Variants in CTDSPL observed in about 807,000 individuals in gnomAD.
The protein encoded by CTDSPL is CTD small phosphatase-like protein.
Under a neutral mutation model 30.5 loss-of-function variants are expected in CTDSPL, and 8 were observed. The observed-to-expected ratio is 0.26, with a 90% CI of 0.15 to 0.47. The LOEUF is 0.47. CTDSPL is among the 20% of genes least tolerant of loss of function. The pLI is 0.99. For missense variants in CTDSPL, 248 were observed against 366.1 expected, an observed-to-expected ratio of 0.68 and a Z score of 2.63; for synonymous variants, 110 against 137.9, an observed-to-expected ratio of 0.80 and a Z score of 1.42.
At chr3:37,902,762 T>G (rs1575289981) in intron 1 of CTDSPL, among the ~76,000 whole-genome samples, 1 of 151,942 alleles carries the variant, frequency 6.6e-6, no homozygotes, top group Non-Finnish European at 1.5e-5. Context: ...AGACAGAGTC[T>G]TACACCAGCC....
chr3:37,959,853 C>T (rs1449122540), intron 3 of CTDSPL, among the ~76,000 whole-genome samples: 1 of 152,242 alleles, frequency 6.6e-6, no homozygotes, highest in Non-Finnish European at 1.5e-5. Flanking sequence ...GAGAGTGCCT[C>T]ATACCCTTAC....
intron 2 of CTDSPL, among the ~76,000 whole-genome samples, chr3:37,949,523 A>G (rs546103307): frequency 2.0e-5 from 3 of 152,354 alleles, no homozygotes; most frequent in African/African-American, 7.2e-5. Context: ...AAATGGATAG[A>G]GTGTCTCTCT....
At chr3:37,946,091 C>G (rs1004648864) in intron 1 of CTDSPL, among the ~76,000 whole-genome samples, 1 of 151,834 alleles carries the variant, frequency 6.6e-6, no homozygotes, top group Non-Finnish European at 1.5e-5. Context: ...TGCCTGCGGC[C>G]TCTTCTCAGT....
At chr3:37,940,549 A>C (rs918840565) in intron 1 of CTDSPL, among the ~76,000 whole-genome samples, 1 of 150,202 alleles carries the variant, frequency 6.7e-6, no homozygotes, top group South Asian at 2.1e-4. Flanking sequence ...ACGAGGTGCA[A>C]AGATGACTAC....
At chr3:37,870,403 T>C (rs2125587994) in intron 1 of CTDSPL, among the ~76,000 whole-genome samples, 1 of 152,258 alleles carries the variant, frequency 6.6e-6, no homozygotes, top group South Asian at 2.1e-4. Context: ...ATCTGTAGTG[T>C]TATGCCCTGT....
chr3:37,918,064 G>A (rs1698670313), intron 1 of CTDSPL, among the ~76,000 whole-genome samples: 1 of 152,146 alleles, frequency 6.6e-6, no homozygotes, highest in South Asian at 2.1e-4. Flanking sequence ...GAGGCAAGGA[G>A]GAAATAGGAA....
intron 1 of CTDSPL, among the ~76,000 whole-genome samples, chr3:37,867,738 C>T (rs952828028): frequency 3.9e-5 from 6 of 152,104 alleles, no homozygotes; most frequent in Non-Finnish European, 7.4e-5. Flanking sequence ...CTAACGCTAA[C>T]GTCTTATATA....
At chr3:37,946,260 G>A (rs775915038) in intron 1 of CTDSPL, among the ~76,000 whole-genome samples, 4 of 152,284 alleles carry the variant, frequency 2.6e-5, no homozygotes, top group Non-Finnish European at 4.4e-5. Context: ...GCAGCTTGTC[G>A]TGAGCCTTGG....
chr3:37,908,204 C>T (rs1231100674), intron 1 of CTDSPL, among the ~76,000 whole-genome samples: 3 of 152,244 alleles, frequency 2.0e-5, no homozygotes, highest in Non-Finnish European at 4.4e-5. Flanking sequence ...CTTTTGGAAA[C>T]TCACCACCTG....
At chr3:37,901,865 T>C (rs1698454195) in intron 1 of CTDSPL, among the ~76,000 whole-genome samples, 1 of 152,168 alleles carries the variant, frequency 6.6e-6, no homozygotes. Context: ...CTTTCTGACA[T>C]AGTGAGAATT....
At chr3:37,863,258 C>T (rs1367117090) in intron 1 of CTDSPL, among the ~76,000 whole-genome samples, 1 of 152,188 alleles carries the variant, frequency 6.6e-6, no homozygotes, top group East Asian at 1.9e-4. Flanking sequence ...GTGTCCCCTC[C>T]CAGAGAGCTG....
chr3:37,953,706 C>A (rs1364459010), intron 2 of CTDSPL, among the ~76,000 whole-genome samples: 1 of 152,126 alleles, frequency 6.6e-6, no homozygotes, highest in Non-Finnish European at 1.5e-5. Flanking sequence ...TGGTCTAATA[C>A]ATGAACTGTA....
chr3:37,918,086 G>C (rs1250205115), intron 1 of CTDSPL, among the ~76,000 whole-genome samples: 1 of 152,146 alleles, frequency 6.6e-6, no homozygotes, highest in Non-Finnish European at 1.5e-5. Context: ...CATACAGAAG[G>C]CTGCCCCAGG....
Position 37,901,732 on chromosome 3 carries a change from C to G in CTDSPL, c.79+39454C>G, listed in dbSNP as rs1166886900. 2.0e-5 allele frequency among the ~76,000 whole-genome samples: 3 copies of G among 152,180 alleles called. No individual in the cohort carries two copies. In the South Asian group the frequency reaches 6.2e-4, roughly 31 times the overall value. On this transcript the variant is annotated intron_variant, in intron 1 of 7. Coordinates refer to ENST00000273179, the MANE Select transcript of CTDSPL (RefSeq NM_001008392.2). ...AGAGTTGAACAGACCTTGGTTAGATCTGCAGCTCTGCCATTTACCAGCAAC... is the reference window on the plus strand; with the variant it reads ...AGAGTTGAACAGACCTTGGTTAGATGTGCAGCTCTGCCATTTACCAGCAAC...
chr3:37,914,873 C>CTTTTT (rs11304152), intron 1 of CTDSPL, among the ~76,000 whole-genome samples: 4,349 of 51,360 alleles, frequency 0.085, 430 homozygotes, highest in Middle Eastern at 0.12. Context: ...TATATATGTT[C>CTTTTT]TTTTTTTTTT....
In CTDSPL at chr3:37,982,930, G is replaced by A. The variant is rs375209790; in HGVS notation, c.*2063G>A. On this transcript the variant is annotated 3_prime_UTR_variant, in exon 8 of 8. Coordinates refer to ENST00000273179, the MANE Select transcript of CTDSPL (RefSeq NM_001008392.2). ...TTAGACCCTCAACCATGCCCCCTTC[G>A]TTGGCATCACAGGGCCTTATTTGGA... The A allele has an allele frequency of 1.2e-4, 24 of 207,638 alleles. No individual in the cohort carries two copies. Among genetic ancestry groups the A allele is most frequent in the African/African-American group, 2.3e-4 (10 of 43,066 alleles). The allele number at this position is 207,638 out of a possible 1,614,324, so 12.9% of individuals were successfully genotyped here.
chr3:37,968,266 A>T (rs1262772331), intron 5 of CTDSPL: 1 of 457,850 alleles, frequency 2.2e-6, no homozygotes, highest in Non-Finnish European at 4.4e-6. Flanking sequence ...GACTCTCGGG[A>T]AAAAGTGTCC....
chr3:37,969,266 C>A (rs552410961), intron 5 of CTDSPL: 69 of 436,258 alleles, frequency 1.6e-4, no homozygotes, highest in African/African-American at 1.3e-3. Flanking sequence ...CTGACCCATT[C>A]TTGCAGGAGC....
chr3:37,870,722 C>T (rs762839712), intron 1 of CTDSPL, among the ~76,000 whole-genome samples: 16 of 152,164 alleles, frequency 1.1e-4, no homozygotes, highest in Non-Finnish European at 1.9e-4. Flanking sequence ...TCAACACTAC[C>T]TTAGCTGTGT....
Sources: allele counts gnomAD v4.1 joint callset (sites outside exome capture counted in the v4.1 genomes callset), GRCh38; gene constraint gnomAD v4.1.1; transcripts MANE v1.5; gene names NCBI Gene and HGNC (gene_info 2026-07-23, HGNC 2026-07-21).